Variants in PLCE1 observed in about 807,000 individuals in gnomAD.
PLCE1 encodes the protein 1-phosphatidylinositol 4,5-bisphosphate phosphodiesterase epsilon-1.
PLCE1 carries 119 observed loss-of-function variants against 242.8 expected under a neutral mutation model. The observed-to-expected ratio is 0.49, with a 90% confidence interval of 0.42 to 0.57. The LOEUF is 0.57. Ranked by LOEUF, PLCE1 falls within the 20% of genes least tolerant of loss-of-function variation. The pLI, the probability that PLCE1 is intolerant of heterozygous loss-of-function variation, is 0.00. For synonymous variants in PLCE1, 945 were observed against 1,017.4 expected, an observed-to-expected ratio of 0.93 and a Z score of 1.35; for missense variants, 2,441 against 2,788.8, an observed-to-expected ratio of 0.88 and a Z score of 2.81.
chr10:94,205,043 T>G lies in PLCE1; in HGVS notation c.1810-22263T>G, dbSNP rs75869902. ...GATAAAGCTTAGAAAATCTAAGGAA[T>G]GAATACCTGGTATGACTTTTAAGAT... On this transcript the variant is annotated intron_variant, in intron 4 of 32. Coordinates refer to ENST00000371380, the MANE Select transcript of PLCE1 (RefSeq NM_016341.4). 3.1e-4 allele frequency among the ~76,000 whole-genome samples: 47 copies of G among 152,356 alleles called. No homozygotes were observed. In the East Asian group the frequency reaches 8.5e-3, roughly 28 times the overall value.
Position 94,329,404 on chromosome 10 carries a change from CACTTT to C in PLCE1, c.*1462_*1466del, listed in dbSNP as rs2054129368. Reference sequence around the variant, plus strand: ...AACACTAAAACTCACTCCTAAACTTCACTTTGAGAAACTTTTTTAACCAATTATAA... The same window carrying C: ...AACACTAAAACTCACTCCTAAACTTCGAGAAACTTTTTTAACCAATTATAA... On this transcript the variant is annotated 3_prime_UTR_variant, in exon 33 of 33. Coordinates refer to ENST00000371380, the MANE Select transcript of PLCE1 (RefSeq NM_016341.4). 1 of 152,168 alleles carries C rather than the reference CACTTT, an allele frequency of 6.6e-6. No homozygotes were observed. The highest frequency in any genetic ancestry group is 2.4e-5 in the African/African-American group (1 of 41,426). 9.4% of individuals were successfully genotyped at this position (152,168 alleles called of 1,614,324 possible). A position where few individuals can be genotyped will look rare whatever the true frequency, so the allele number is the denominator to read the frequency against.
chr10:94,177,072 A>C (rs1175574717), intron 4 of PLCE1, among the ~76,000 whole-genome samples: 1 of 152,188 alleles, frequency 6.6e-6, no homozygotes, highest in East Asian at 1.9e-4. Context: ...ATGAGCTAGA[A>C]GTTTCTATAT....
At chr10:94,210,595 C>G (rs776473967) in intron 4 of PLCE1, among the ~76,000 whole-genome samples, 3 of 152,144 alleles carry the variant, frequency 2.0e-5, no homozygotes, top group Admixed American at 1.3e-4. Context: ...TCAGCCTCCC[C>G]ACGTCCTAGG....
At chr10:94,226,996 C>T (rs2049967990) in intron 4 of PLCE1, 1 of 351,434 alleles carries the variant, frequency 2.8e-6, no homozygotes. Context: ...CCTGCCTCAG[C>T]TTCCCAAGTA....
intron 4 of PLCE1, among the ~76,000 whole-genome samples, chr10:94,206,514 G>A (rs2860746): frequency 0.4 from 60,657 of 152,054 alleles, 12,598 homozygotes; most frequent in East Asian, 0.68. Flanking sequence ...GTTGATATGC[G>A]TAGCCATGGT....
At chr10:94,175,969 G>A (rs1441521268) in intron 4 of PLCE1, among the ~76,000 whole-genome samples, 6 of 152,092 alleles carry the variant, frequency 3.9e-5, no homozygotes, top group Non-Finnish European at 8.8e-5. Context: ...CTTGTTGATG[G>A]ACACTTAGGT....
At position 94,313,399 on chromosome 10, in the gene PLCE1, G is replaced by A. The variant is rs773046517; in HGVS notation, c.6132+17G>A. ...CTGCAGCAAGTAAGTCCACTGAGCCGTGGTTGGGAGAATCCAAAATCTAAG... is the reference window on the plus strand; with the variant it reads ...CTGCAGCAAGTAAGTCCACTGAGCCATGGTTGGGAGAATCCAAAATCTAAG... On this transcript the variant is annotated intron_variant, in intron 28 of 32. Coordinates refer to ENST00000371380, the MANE Select transcript of PLCE1 (RefSeq NM_016341.4). 22 of 1,613,914 alleles carry A rather than the reference G, an allele frequency of 1.4e-5. 1 individual carries two copies. In the South Asian group the frequency reaches 2.0e-4, roughly 14 times the overall value.
In PLCE1 at chr10:94,031,819, C is replaced by A; in HGVS notation, c.773C>A (p.Thr258Asn). 2.5e-6 allele frequency: 4 copies of A among 1,613,694 alleles called. No individual in the cohort carries two copies. The highest frequency in any genetic ancestry group is 3.4e-6 in the Non-Finnish European group (4 of 1,179,784). The part of the protein sequence containing the change: ...NEQLQCDHCD[T>N]LNDKYFCFEG... Reference sequence around the variant, plus strand: ...CAGCTGCAGTGTGATCATTGTGACACCTTGAATGATAAATACTTTTGCTTT... The same window carrying A: ...CAGCTGCAGTGTGATCATTGTGACAACTTGAATGATAAATACTTTTGCTTT... The change falls in exon 2 of 33, where the codon ACC becomes AAC. Residue 258 changes from threonine (T) to asparagine (N), a missense_variant. Transcript: ENST00000371380.
At chr10:94,263,169 CTTGTT>C (rs1029875701) in intron 14 of PLCE1, among the ~76,000 whole-genome samples, 2 of 152,090 alleles carry the variant, frequency 1.3e-5, no homozygotes, top group African/African-American at 4.8e-5. Flanking sequence ...TGCGCCCGAC[CTTGTT>C]TTGTTTTGTT....
chr10:94,009,456 C>T (rs1344138356), intron 1 of PLCE1, among the ~76,000 whole-genome samples: 1 of 152,156 alleles, frequency 6.6e-6, no homozygotes, highest in Non-Finnish European at 1.5e-5. Flanking sequence ...TGTCATTCTG[C>T]CCTTGGCCCC....
chr10:94,057,678 C>A (rs1027564319), intron 2 of PLCE1, among the ~76,000 whole-genome samples: 30 of 152,148 alleles, frequency 2.0e-4, no homozygotes, highest in African/African-American at 7.0e-4. Context: ...TGTATTAGTT[C>A]TATTGCTGCA....
In PLCE1 at chr10:94,316,731, G is replaced by A. The variant is rs753257897; in HGVS notation, c.6317G>A (p.Arg2106Lys). ...SWFPEEGYMG[R>K]IVLKTQQENL... is the part of the protein sequence containing the mutation. ...TTTCCAGAAGAGGGATACATGGGCAGGATTGTCTTAAAAACCCAGCAGGAA... is the reference window on the plus strand; with the variant it reads ...TTTCCAGAAGAGGGATACATGGGCAAGATTGTCTTAAAAACCCAGCAGGAA... The change falls in exon 29 of 33, where the codon AGG (arginine) becomes AAG (lysine). Residue 2106 changes from arginine to lysine, a missense_variant. By Grantham distance (26) the Arg-to-Lys change is conservative. Transcript: ENST00000371380. The A allele has an allele frequency of 1.2e-6, 2 of 1,613,968 alleles. 1 individual carries two copies. Among genetic ancestry groups the A allele is most frequent in the South Asian group, 2.2e-5 (2 of 91,068 alleles).
intron 28 of PLCE1, among the ~76,000 whole-genome samples, chr10:94,316,065 GCA>G (rs2053562635): frequency 6.6e-6 from 1 of 152,128 alleles, no homozygotes; most frequent in African/African-American, 2.4e-5. Context: ...AGCCCTTTAA[GCA>G]CACTGTCAGA....
At chr10:94,231,037 A>T (rs1158996583) in intron 5 of PLCE1, among the ~76,000 whole-genome samples, 1 of 152,234 alleles carries the variant, frequency 6.6e-6, no homozygotes, top group African/African-American at 2.4e-5. Flanking sequence ...TAGAAGAAAT[A>T]CTGAAAGAAA....
intron 2 of PLCE1, among the ~76,000 whole-genome samples, chr10:94,059,495 G>T (rs1054520639): frequency 6.6e-6 from 1 of 152,122 alleles, no homozygotes; most frequent in African/African-American, 2.4e-5. Flanking sequence ...GATACGGGGA[G>T]GGGGTGTGTG....
At chr10:94,220,294 G>A (rs573086050) in intron 4 of PLCE1, among the ~76,000 whole-genome samples, 1 of 149,102 alleles carries the variant, frequency 6.7e-6, no homozygotes, top group Admixed American at 6.8e-5. Flanking sequence ...TTGGGAGGCT[G>A]AGGCAGGAGT....
intron 3 of PLCE1, among the ~76,000 whole-genome samples, chr10:94,136,139 A>C (rs1590098792): frequency 6.6e-6 from 1 of 152,210 alleles, no homozygotes; most frequent in Admixed American, 6.5e-5. Context: ...GGAACAGGGA[A>C]AAACAAATGC....
At chr10:94,233,201 G>A (rs1339639680) in intron 5 of PLCE1, among the ~76,000 whole-genome samples, 1 of 152,180 alleles carries the variant, frequency 6.6e-6, no homozygotes, top group Non-Finnish European at 1.5e-5. Flanking sequence ...AATAGGGAAA[G>A]TCCCACTTAA....
chr10:94,119,126 G>GTC (rs1206824721), intron 2 of PLCE1, among the ~76,000 whole-genome samples: 1 of 152,108 alleles, frequency 6.6e-6, no homozygotes, highest in Non-Finnish European at 1.5e-5. Context: ...GAAGTATATC[G>GTC]TCTCTCTCCT....
Sources: allele counts gnomAD v4.1 joint callset (sites outside exome capture counted in the v4.1 genomes callset), GRCh38; gene constraint gnomAD v4.1.1; transcripts MANE v1.5; gene names NCBI Gene and HGNC (gene_info 2026-07-23, HGNC 2026-07-21).